PLA2G4A: variants seen among roughly 807,000 people sequenced by gnomAD.
The protein encoded by PLA2G4A is phospholipase A2 group IVA.
PLA2G4A carries 40 observed loss-of-function variants against 81.9 expected under a neutral mutation model. That is an observed-to-expected ratio of 0.49 (90% CI 0.38 to 0.64). The LOEUF (loss-of-function observed/expected upper bound fraction) is 0.64. Ranked by LOEUF, PLA2G4A falls within the 30% of genes least tolerant of loss-of-function variation. The pLI, the probability that PLA2G4A is intolerant of heterozygous loss-of-function variation, is 0.00. For missense variants in PLA2G4A, 715 were observed against 905.1 expected, an observed-to-expected ratio of 0.79 and a Z score of 2.69; for synonymous variants, 302 against 296.9, an observed-to-expected ratio of 1.02 and a Z score of -0.18.
At chr1:186,962,710 C>T (rs1219839767) in intron 14 of PLA2G4A, among the ~76,000 whole-genome samples, 2 of 151,978 alleles carry the variant, frequency 1.3e-5, no homozygotes, top group African/African-American at 4.8e-5. Flanking sequence ...TTAGTAGAGA[C>T]GGGGTTTCAC....
intron 15 of PLA2G4A, among the ~76,000 whole-genome samples, chr1:186,967,824 C>T (rs1212425336): frequency 6.6e-6 from 1 of 151,826 alleles, no homozygotes; most frequent in East Asian, 1.9e-4. Context: ...TAAGACAGGA[C>T]AATAGGAAAT....
chr1:186,851,766 T>A (rs1571333526), intron 1 of PLA2G4A, among the ~76,000 whole-genome samples: 1 of 152,002 alleles, frequency 6.6e-6, no homozygotes, highest in East Asian at 1.9e-4. Context: ...TATAATGTTA[T>A]CCAATAAATA....
At position 186,904,388 on chromosome 1, in the gene PLA2G4A, G is replaced by C. The variant is rs1239392278; in HGVS notation, c.379-2577G>C. Among the ~76,000 whole-genome samples, 4 of 152,308 alleles carry C rather than the reference G, an allele frequency of 2.6e-5. No individual in the cohort carries two copies. The East Asian group carries it at 7.7e-4, about 29-fold the overall frequency. ...TGCAGAGATGCTTTATGCCATGTGT[G>C]GGAAGAAGTTTACAGTAATTGTTTA... On this transcript the variant is annotated intron_variant, in intron 5 of 17. Transcript: ENST00000367466.
At chr1:186,892,502 C>T (rs1305703750) in intron 3 of PLA2G4A, among the ~76,000 whole-genome samples, 1 of 152,138 alleles carries the variant, frequency 6.6e-6, no homozygotes. Context: ...TAGCTTCATT[C>T]TTCTGCATAT....
At chr1:186,964,568 G>T (rs942030840) in intron 14 of PLA2G4A, among the ~76,000 whole-genome samples, 17 of 151,968 alleles carry the variant, frequency 1.1e-4, no homozygotes, top group African/African-American at 4.1e-4. Context: ...TCTTTAGGTG[G>T]CCTGTTCCGT....
intron 14 of PLA2G4A, among the ~76,000 whole-genome samples, chr1:186,961,642 A>G: frequency 6.6e-6 from 1 of 152,208 alleles, no homozygotes; most frequent in East Asian, 1.9e-4. Flanking sequence ...TTAAGAAAGG[A>G]TAAAAGGATA....
intron 1 of PLA2G4A, among the ~76,000 whole-genome samples, chr1:186,835,974 T>G (rs1651762866): frequency 6.6e-6 from 1 of 152,244 alleles, no homozygotes; most frequent in Admixed American, 6.5e-5. Flanking sequence ...TTTACATGCA[T>G]TTTTTCCCTC....
At position 186,946,965 on chromosome 1, in the gene PLA2G4A, T is replaced by A. The variant is rs769074486; in HGVS notation, c.1264+4T>A. On this transcript the variant is annotated splice_donor_region_variant and intron_variant, in intron 12 of 17. Transcript: ENST00000367466. Reference sequence around the variant, plus strand: ...TCCACAATGGAGGAAGAATTAGGTATCCTAAAGATATGCTTACATTGATAC... The same window carrying A: ...TCCACAATGGAGGAAGAATTAGGTAACCTAAAGATATGCTTACATTGATAC... 2.0e-6 allele frequency: 3 copies of A among 1,514,232 alleles called. No homozygotes were observed. Among genetic ancestry groups the A allele is most frequent in the South Asian group, 2.2e-5 (2 of 89,124 alleles). The allele number at this position is 1,514,232 out of a possible 1,614,324, so 93.8% of individuals were successfully genotyped here. A position where few individuals can be genotyped will look rare whatever the true frequency, so the allele number is the denominator to read the frequency against.
At chr1:186,953,170 T>C (rs1251571006) in intron 13 of PLA2G4A, among the ~76,000 whole-genome samples, 1 of 152,222 alleles carries the variant, frequency 6.6e-6, no homozygotes, top group Non-Finnish European at 1.5e-5. Context: ...TGTACCATTT[T>C]GCATTCCACT....
intron 17 of PLA2G4A, among the ~76,000 whole-genome samples, chr1:186,987,380 C>T (rs990790141): frequency 1.3e-5 from 2 of 152,182 alleles, no homozygotes; most frequent in Non-Finnish European, 2.9e-5. Flanking sequence ...GCTGAAAAGC[C>T]CGTGGACTGT....
At chr1:186,927,547 T>C (rs867792928) in intron 7 of PLA2G4A, among the ~76,000 whole-genome samples, 1 of 151,898 alleles carries the variant, frequency 6.6e-6, no homozygotes, top group South Asian at 2.1e-4. Flanking sequence ...GGAATTAGAG[T>C]AGTAAAGAAA....
intron 8 of PLA2G4A, among the ~76,000 whole-genome samples, chr1:186,938,468 C>A (rs1417008438): frequency 1.3e-5 from 2 of 152,046 alleles, no homozygotes; most frequent in Non-Finnish European, 2.9e-5. Context: ...ATTTAGAGAC[C>A]TACAGTTGAC....
At chr1:186,970,525 G>A (rs994544577) in intron 15 of PLA2G4A, among the ~76,000 whole-genome samples, 2 of 151,892 alleles carry the variant, frequency 1.3e-5, no homozygotes, top group Admixed American at 6.6e-5. Flanking sequence ...TATTCTAGTA[G>A]TTTTATAGCT....
At chr1:186,947,037 A>T in intron 12 of PLA2G4A, 76 bp downstream of exon 12, 1 of 819,812 alleles carries the variant, frequency 1.2e-6, no homozygotes. Flanking sequence ...TAGAGAGAAT[A>T]TTAAATCTTT....
At chr1:186,836,189 C>A (rs1651769679) in intron 1 of PLA2G4A, among the ~76,000 whole-genome samples, 1 of 150,630 alleles carries the variant, frequency 6.6e-6, no homozygotes, top group Admixed American at 6.6e-5. Flanking sequence ...AATTAATACC[C>A]CAGTATTAAT....
chr1:186,889,286 G>A (rs984793390), intron 3 of PLA2G4A, among the ~76,000 whole-genome samples: 2 of 152,216 alleles, frequency 1.3e-5, no homozygotes, highest in African/African-American at 4.8e-5. Context: ...AGTGTGACCA[G>A]AAGATGATCC....
intron 15 of PLA2G4A, among the ~76,000 whole-genome samples, chr1:186,973,133 T>C (rs1657413791): frequency 6.6e-6 from 1 of 152,152 alleles, no homozygotes; most frequent in African/African-American, 2.4e-5. Context: ...ACCCCAAACA[T>C]GGTGACTTAC....
At chr1:186,968,377 T>A (rs1275923930) in intron 15 of PLA2G4A, among the ~76,000 whole-genome samples, 1 of 144,920 alleles carries the variant, frequency 6.9e-6, no homozygotes, top group Non-Finnish European at 1.5e-5. Flanking sequence ...GGTATTTTCT[T>A]CTAGTCTCTT....
chr1:186,899,933 G>A (rs555339738), intron 5 of PLA2G4A, among the ~76,000 whole-genome samples: 1 of 152,298 alleles, frequency 6.6e-6, no homozygotes, highest in Admixed American at 6.5e-5. Context: ...GAAGCAGTGA[G>A]GATCCGCTGA....
Sources: allele counts gnomAD v4.1 joint callset (sites outside exome capture counted in the v4.1 genomes callset), GRCh38; gene constraint gnomAD v4.1.1; transcripts MANE v1.5; gene names NCBI Gene and HGNC (gene_info 2026-07-23, HGNC 2026-07-21).